Variants in NIPA1 observed in about 807,000 individuals in gnomAD.
NIPA1 encodes magnesium transporter NIPA1.
In NIPA1, 13 loss-of-function variants were observed where a neutral mutation model predicts 23.9. That is an observed-to-expected ratio of 0.54 (90% CI 0.35 to 0.87). The LOEUF (loss-of-function observed/expected upper bound fraction) is 0.87. NIPA1 is among the 40% of genes least tolerant of loss of function. The probability of loss-of-function intolerance (pLI) is 0.01; values close to 1 mark genes in which losing one functional copy is unlikely to be tolerated. For synonymous variants in NIPA1, 234 were observed against 202.9 expected, an observed-to-expected ratio of 1.15 and a Z score of -1.30; for missense variants, 362 against 429.7, an observed-to-expected ratio of 0.84 and a Z score of 1.39.
At position 22,809,061 on chromosome 15, in the gene NIPA1, T is replaced by C. The variant is rs138763136; in HGVS notation, c.179-1688T>C. 1.7e-3 allele frequency among the ~76,000 whole-genome samples: 259 copies of C among 152,272 alleles called. 3 individuals carry two copies. The highest frequency in any genetic ancestry group is 8.1e-4 in the Non-Finnish European group (55 of 68,028). Reference sequence around the variant, plus strand: ...AGGCTATGTGTCTTATACCAAATTGTGGTTTTCCTACTGAGAATAAAAACA... The same window carrying C: ...AGGCTATGTGTCTTATACCAAATTGCGGTTTTCCTACTGAGAATAAAAACA... On this transcript the variant is annotated intron_variant, in intron 1 of 4. Transcript: ENST00000337435.
intron 1 of NIPA1, among the ~76,000 whole-genome samples, chr15:22,788,478 G>A (rs563018571): frequency 1.6e-5 from 2 of 127,200 alleles, no homozygotes; most frequent in East Asian, 2.1e-4. Flanking sequence ...CAGCCTGGGC[G>A]GCAGAGCAAG....
chr15:22,824,058 C>T lies in NIPA1; in HGVS notation c.809C>T (p.Thr270Met), dbSNP rs1234374816. The T allele has an allele frequency of 2.7e-5, 43 of 1,614,006 alleles. No individual in the cohort carries two copies. The highest frequency in any genetic ancestry group is 4.5e-5 in the East Asian group (2 of 44,886). Residue 270 changes from threonine to methionine, a missense_variant, in exon 5 of 5, where the codon ACG becomes ATG. This residue lies in a region of NIPA1 where 277 missense variants were observed against 372.0 expected (regional missense o/e 0.74). Transcript: ENST00000337435. This position sits in a 1 kb window ranked among gnomAD's most constrained non-coding sequence, Gnocchi z 4.1. The stretch of plus-strand genomic sequence containing the variant: ...GCCATCTACTACGTCGTGTTTACCA[C>T]GCTGGTCCTGCTGGCCTCAGCCATC... The part of the protein sequence containing the change: ...FGAIYYVVFT[T>M]LVLLASAILF...
intron 3 of NIPA1, among the ~76,000 whole-genome samples, chr15:22,818,404 C>G (rs1400065885): frequency 6.6e-6 from 1 of 152,006 alleles, no homozygotes; most frequent in Non-Finnish European, 1.5e-5. Context: ...CCATTGCACT[C>G]CAGCCTGGGC....
rs948870685 is a variant in NIPA1, at chr15:22,828,431, A to G, written c.*4192A>G. The G allele has an allele frequency of 2.6e-5, 4 of 152,542 alleles. No individual in the cohort carries two copies. Among genetic ancestry groups the G allele is most frequent in the Admixed American group, 2.0e-4 (3 of 15,258 alleles). The allele number at this position is 152,542 out of a possible 1,614,324, so 9.4% of individuals were successfully genotyped here. ...GATGAATTTTAAGGGTCTGTCCTTT[A>G]GCTTATAGGTGATGTTTCACATCTG... On this transcript the variant is annotated 3_prime_UTR_variant, in exon 5 of 5. Coordinates refer to ENST00000337435, the MANE Select transcript of NIPA1 (RefSeq NM_144599.5).
chr15:22,810,568 C>T (rs547856065), intron 1 of NIPA1, among the ~76,000 whole-genome samples, 181 bp from the exon 2 acceptor site: 16 of 152,090 alleles, frequency 1.1e-4, no homozygotes, highest in South Asian at 4.2e-4. Flanking sequence ...TTGCCACTTT[C>T]GGTGGTCTCT....
At chr15:22,819,520 T>C (rs1314538467) in intron 3 of NIPA1, 2 of 152,164 alleles carry the variant, frequency 1.3e-5, no homozygotes, top group Non-Finnish European at 2.9e-5. Context: ...AAGAATACAT[T>C]TTTTTGCATT....
At chr15:22,805,822 A>G (rs1895194690) in intron 1 of NIPA1, among the ~76,000 whole-genome samples, 1 of 152,206 alleles carries the variant, frequency 6.6e-6, no homozygotes, top group Non-Finnish European at 1.5e-5. Flanking sequence ...AGCACACATA[A>G]GTGGAAGCAA....
At chr15:22,814,198 G>C (rs1385159679) in intron 3 of NIPA1, 1 of 822,330 alleles carries the variant, frequency 1.2e-6, no homozygotes, top group African/African-American at 1.8e-5. Flanking sequence ...AATTAATTTG[G>C]AAAAAAACAA....
At chr15:22,797,551 G>A (rs964874039) in intron 1 of NIPA1, among the ~76,000 whole-genome samples, 5 of 126,076 alleles carry the variant, frequency 4.0e-5, no homozygotes, top group African/African-American at 1.6e-4. Flanking sequence ...CGTTTCCCAG[G>A]CCAGAGTGCA....
rs1270248064 is a variant in NIPA1 at position 22,826,504 on chromosome 15, T to G, written c.*2265T>G. The G allele has an allele frequency of 3.3e-5, 5 of 152,184 alleles. No homozygotes were observed. The highest frequency in any genetic ancestry group is 2.0e-4 in the Admixed American group (3 of 15,286). The allele number at this position is 152,184 out of a possible 1,614,324, so 9.4% of individuals were successfully genotyped here. ...GTGTGAGATATTCAAAGAATACATG[T>G]GGCTAACAAGTGTAATGAGAAAGTT... On this transcript the variant is annotated 3_prime_UTR_variant, in exon 5 of 5. Coordinates refer to ENST00000337435, the MANE Select transcript of NIPA1 (RefSeq NM_144599.5).
intron 2 of NIPA1, 171 bp downstream of exon 2, chr15:22,810,967 C>A: frequency 1.5e-6 from 1 of 665,230 alleles, no homozygotes; most frequent in Non-Finnish European, 2.7e-6. Flanking sequence ...CCCTGCCTCC[C>A]CAGGGCACTC....
chr15:22,803,749 A>G (rs2082630), intron 1 of NIPA1, among the ~76,000 whole-genome samples: 119,120 of 140,586 alleles, frequency 0.85, 50,833 homozygotes, highest in East Asian at 1. Context: ...GCGTGATCTC[A>G]GCTCACTGCA....
chr15:22,815,242 C>T lies in NIPA1; in HGVS notation c.317+2989C>T, dbSNP rs988061636. On this transcript the variant is annotated intron_variant, in intron 3 of 4. Coordinates refer to ENST00000337435, the MANE Select transcript of NIPA1 (RefSeq NM_144599.5). Reference sequence around the variant, plus strand: ...CAGTGATCAATTTCGATAAATTTAACCTTGTTATGATACATGTATCAAATC... The same window carrying T: ...CAGTGATCAATTTCGATAAATTTAATCTTGTTATGATACATGTATCAAATC... 2.0e-5 allele frequency among the ~76,000 whole-genome samples: 3 copies of T among 152,170 alleles called. No individual in the cohort carries two copies. The South Asian group carries it at 6.2e-4, about 32-fold the overall frequency.
upstream of NIPA1, chr15:22,786,307 C>G (rs1296192675): frequency 6.6e-6 from 1 of 152,332 alleles, no homozygotes; most frequent in African/African-American, 2.4e-5. Context: ...CCGGTGCGTC[C>G]TGCCGCGCTC....
intron 4 of NIPA1, among the ~76,000 whole-genome samples, chr15:22,822,926 T>G (rs75076689): frequency 0.32 from 39,405 of 122,284 alleles, 5,984 homozygotes; most frequent in South Asian, 0.53. Context: ...TTTTTTTTTT[T>G]TTTTTTTTTT....
chr15:22,810,791 T>C lies in NIPA1; in HGVS notation c.221T>C (p.Ile74Thr). ...GACATTGTGTGGTGGGCTGGCACAA[T>C]CGCAAGTAAGTAGCCTGTGTGGCGA... ...LTDIVWWAGT[I>T]AMAVGQIGNF... The change falls in exon 2 of 5, where the codon ATC becomes ACC. Residue 74 changes from isoleucine to threonine, a missense_variant. Around this residue, in one of 2 missense-constraint regions of NIPA1, gnomAD observed 277 missense variants for 372.0 expected, o/e 0.74. Transcript: ENST00000337435. The C allele has an allele frequency of 6.2e-7, 1 of 1,608,810 alleles. No homozygotes were observed. The highest frequency in any genetic ancestry group is 8.5e-7 in the Non-Finnish European group (1 of 1,175,112).
intron 1 of NIPA1, among the ~76,000 whole-genome samples, chr15:22,803,049 C>G (rs1459186931): frequency 6.6e-6 from 1 of 151,904 alleles, no homozygotes; most frequent in African/African-American, 2.4e-5. Flanking sequence ...CTCTGCCTAC[C>G]GGGTTCAAGC....
At chr15:22,795,277 A>C (rs1023084724) in intron 1 of NIPA1, among the ~76,000 whole-genome samples, 9 of 152,048 alleles carry the variant, frequency 5.9e-5, no homozygotes, top group Non-Finnish European at 1.3e-4. Flanking sequence ...TGTTTCCATC[A>C]GAAAAGGAGA....
chr15:22,813,854 G>A (rs1164246078), intron 3 of NIPA1: 1 of 381,058 alleles, frequency 2.6e-6, no homozygotes. Flanking sequence ...TGAGGCGCTG[G>A]GAGGGCAAGA....
Sources: allele counts gnomAD v4.1 joint callset (sites outside exome capture counted in the v4.1 genomes callset), GRCh38; gene constraint gnomAD v4.1.1; regional missense constraint gnomAD v4.1.1; non-coding constraint Gnocchi (gnomAD v3.1); transcripts MANE v1.5; gene names NCBI Gene and HGNC (gene_info 2026-07-23, HGNC 2026-07-21).